Variants in RRP7A observed in about 807,000 individuals in gnomAD.
RRP7A encodes ribosomal RNA-processing protein 7 homolog A.
In RRP7A, 27 loss-of-function variants were observed where a neutral mutation model predicts 38.4. The observed-to-expected ratio is 0.70, with a 90% CI of 0.52 to 0.97. The LOEUF (loss-of-function observed/expected upper bound fraction) is 0.97. RRP7A is among the 50% of genes least tolerant of loss of function. The pLI is 0.00. For missense variants in RRP7A, 327 were observed against 375.4 expected (o/e 0.87, Z 1.07); for synonymous variants, 124 against 150.3 (o/e 0.83, Z 1.28).
At chr22:42,516,254 C>T (rs866191967) in intron 2 of RRP7A, 118 bp from the exon 3 acceptor site, 1 of 1,402,410 alleles carries the variant, frequency 7.1e-7, no homozygotes, top group East Asian at 2.4e-5. Flanking sequence ...GCCACAGCCA[C>T]ATCTGCCCAA....
intron 3 of RRP7A, 120 bp downstream of exon 3, chr22:42,515,891 C>G (rs574816387): frequency 7.8e-7 from 1 of 1,281,374 alleles, no homozygotes; most frequent in Non-Finnish European, 1.1e-6. Flanking sequence ...ACACCACACA[C>G]GGTGAGGATG....
At chr22:42,513,900 C>T (rs1292859520) in intron 6 of RRP7A, among the ~76,000 whole-genome samples, 5 of 152,112 alleles carry the variant, frequency 3.3e-5, no homozygotes, top group African/African-American at 1.2e-4. Context: ...ATGCATCTGC[C>T]CCTAGGGGGT....
chr22:42,510,924 C>T lies in RRP7A; in HGVS notation c.*1986G>A, dbSNP rs9623612. The T allele has an allele frequency of 2.6e-4, 124 of 468,864 alleles. 1 individual carries two copies. The highest frequency in any genetic ancestry group is 2.4e-3 in the African/African-American group (119 of 48,584). 29.0% of individuals were successfully genotyped at this position (468,864 alleles called of 1,614,324 possible). On this transcript the variant is annotated 3_prime_UTR_variant, in exon 7 of 7. Transcript: ENST00000323013. ...ACACATGTAATCAGAATTTAAGAAA[C>T]AGAGACCTTTGGTGGGGAGGTTCTT...
chr22:42,516,862 G>A (rs1483731437), intron 2 of RRP7A, among the ~76,000 whole-genome samples: 1 of 152,136 alleles, frequency 6.6e-6, no homozygotes, highest in Non-Finnish European at 1.5e-5. Context: ...GGCCCTTCCA[G>A]GCACACATGC....
rs1932420665 is a variant in RRP7A at position 42,510,439 on chromosome 22, G to C, written c.*2471C>G. On this transcript the variant is annotated 3_prime_UTR_variant, in exon 7 of 7. Coordinates refer to ENST00000323013, the MANE Select transcript of RRP7A (RefSeq NM_015703.5). ...TTCAGCACTTGCTTGCGCCTGGCTT[G>C]TGCCAGCTGAGCGTGAGCTGAGATT... is the stretch of plus-strand genomic sequence containing the variant. 1.0e-5 allele frequency: 3 copies of C among 286,482 alleles called. No individual in the cohort carries two copies. Among genetic ancestry groups the C allele is most frequent in the South Asian group, 7.6e-5 (1 of 13,156 alleles). 17.7% of individuals were successfully genotyped at this position (286,482 alleles called of 1,614,324 possible).
chr22:42,518,081 A>T lies in RRP7A; in HGVS notation c.140T>A (p.Val47Asp), dbSNP rs1231523270. 6.2e-7 allele frequency: 1 copy of T among 1,613,998 alleles called. No homozygotes were observed. Among genetic ancestry groups the T allele is most frequent in the Admixed American group, 1.7e-5 (1 of 59,996 alleles). The stretch of plus-strand genomic sequence containing the variant: ...CCAGGTGGACTTGGTGCCTTGTCGA[A>T]CGCCGTGTGCTCTCACATAGAGGTA... The part of the protein sequence containing the change: ...SHYLYVRAHG[V>D]RQGTKSTWPQ... The change falls in exon 2 of 7, where the codon GTT (valine) becomes GAT (aspartate). Residue 47 changes from valine (V) to aspartate (D), a missense_variant. Coordinates refer to ENST00000323013, the MANE Select transcript of RRP7A (RefSeq NM_015703.5).
intron 5 of RRP7A, 96 bp from the exon 6 acceptor site, chr22:42,514,400 G>GCC (rs1422762909): frequency 2.3e-6 from 2 of 864,798 alleles, no homozygotes; most frequent in African/African-American, 1.7e-5. Context: ...ACTGCCCTGA[G>GCC]CCCCCGCAGG....
chr22:42,513,871 G>A (rs1295276905), intron 6 of RRP7A, among the ~76,000 whole-genome samples: 2 of 152,140 alleles, frequency 1.3e-5, no homozygotes, highest in Admixed American at 6.5e-5. Flanking sequence ...ATGACCTAGG[G>A]TCCCCACCCA....
At position 42,510,788 on chromosome 22, in the gene RRP7A, A is replaced by C. The variant is rs1451442683; in HGVS notation, c.*2122T>G. The C allele has an allele frequency of 7.3e-7, 1 of 1,368,248 alleles. No individual in the cohort carries two copies. Among genetic ancestry groups the C allele is most frequent in the South Asian group, 1.6e-5 (1 of 62,252 alleles). The allele number at this position is 1,368,248 out of a possible 1,614,324, so 84.8% of individuals were successfully genotyped here. A position where few individuals can be genotyped will look rare whatever the true frequency, so the allele number is the denominator to read the frequency against. Reference sequence around the variant, plus strand: ...CGCCCACTCTGGTCCCACCTCACCCATCTCTTCTCATGCACTGGGAAAGAC... The same window carrying C: ...CGCCCACTCTGGTCCCACCTCACCCCTCTCTTCTCATGCACTGGGAAAGAC... On this transcript the variant is annotated 3_prime_UTR_variant, in exon 7 of 7. Transcript: ENST00000323013.
intron 2 of RRP7A, chr22:42,516,387 G>T: frequency 1.9e-6 from 1 of 533,118 alleles, no homozygotes; most frequent in Non-Finnish European, 3.5e-6. Context: ...CTGGAGTCCT[G>T]CAACCTCCAC....
rs1308668348 is a variant in RRP7A at position 42,509,794 on chromosome 22, A to G, written c.*3116T>C. ...AGTCCAAATAGGACACACGGCAGAG[A>G]CAAAGCCAGGTCATGGTTGCTCAGG... is the stretch of plus-strand genomic sequence containing the variant. On this transcript the variant is annotated 3_prime_UTR_variant, in exon 7 of 7. Transcript: ENST00000323013. Among the ~76,000 whole-genome samples, 1 of 111,410 alleles carries G rather than the reference A, an allele frequency of 9.0e-6. No individual in the cohort carries two copies. Among genetic ancestry groups the G allele is most frequent in the Admixed American group, 1.1e-4 (1 of 9,098 alleles). The allele number at this position is 111,410 out of a possible 152,430, so 73.1% of individuals were successfully genotyped here.
chr22:42,512,920 C>T lies in RRP7A; in HGVS notation c.833G>A (p.Arg278Gln), dbSNP rs140096249. The T allele has an allele frequency of 1.6e-4, 258 of 1,613,308 alleles. 1 individual carries two copies. The highest frequency in any genetic ancestry group is 2.1e-4 in the Non-Finnish European group (248 of 1,179,634). Reference protein sequence around the residue: ...IELLRAQRKFRPY With the variant: ...IELLRAQRKFQPY ...TGCGGCTCTCACAGCTCAGTACGGT[C>T]GGAATTTGCGCTGGGCCCGCAGCAG... The change falls in exon 7 of 7, where the codon CGA becomes CAA. Residue 278 changes from arginine to glutamine, a missense_variant. Arg to Gln is a conservative substitution (Grantham distance 43). Coordinates refer to ENST00000323013, the MANE Select transcript of RRP7A (RefSeq NM_015703.5).
chr22:42,517,177 C>T (rs1341165616), intron 2 of RRP7A, among the ~76,000 whole-genome samples: 1 of 151,904 alleles, frequency 6.6e-6, no homozygotes, highest in Non-Finnish European at 1.5e-5. Context: ...GCTTGGGAGG[C>T]TGCGGCAGGA....
chr22:42,516,416 T>G (rs1920929945), intron 2 of RRP7A: 1 of 478,878 alleles, frequency 2.1e-6, no homozygotes, highest in East Asian at 5.5e-5. Flanking sequence ...TGCAAGTGAT[T>G]CTCATGCCTC....
chr22:42,519,586 G>A (rs1283567703), intron 1 of RRP7A, 128 bp downstream of exon 1: 5 of 783,396 alleles, frequency 6.4e-6, no homozygotes, highest in Middle Eastern at 3.2e-4. Context: ...CGGAGCCTGG[G>A]GCCACGGGCC....
Position 42,509,743 on chromosome 22 carries a change from G to A in RRP7A, c.*3167C>T, listed in dbSNP as rs1257020783. 4.0e-5 allele frequency among the ~76,000 whole-genome samples: 6 copies of A among 148,720 alleles called. No homozygotes were observed. Among genetic ancestry groups the A allele is most frequent in the Non-Finnish European group, 6.0e-5 (4 of 67,154 alleles). ...GATGAAGTCAGACACAACCGTCTACGTGTTGTATGGCTGCATTCACGTTCA... is the reference window on the plus strand; with the variant it reads ...GATGAAGTCAGACACAACCGTCTACATGTTGTATGGCTGCATTCACGTTCA... On this transcript the variant is annotated 3_prime_UTR_variant, in exon 7 of 7. Coordinates refer to ENST00000323013, the MANE Select transcript of RRP7A (RefSeq NM_015703.5).
At chr22:42,516,565 G>A (rs1228865382) in intron 2 of RRP7A, 8 of 351,158 alleles carry the variant, frequency 2.3e-5, no homozygotes, top group East Asian at 7.8e-5. Context: ...CGCCCGCCTC[G>A]GCCTCCCAAA....
chr22:42,513,748 CCTT>C (rs1393346645), intron 6 of RRP7A, among the ~76,000 whole-genome samples: 1 of 151,706 alleles, frequency 6.6e-6, no homozygotes, highest in Non-Finnish European at 1.5e-5. Context: ...CTCTGCAGCA[CCTT>C]CTCTGCACCC....
At chr22:42,519,388 G>C (rs1920941053) in intron 1 of RRP7A, among the ~76,000 whole-genome samples, 1 of 152,172 alleles carries the variant, frequency 6.6e-6, no homozygotes, top group South Asian at 2.1e-4. Flanking sequence ...AGGAGCAGAG[G>C]CGATGAGAAG....
Sources: gnomAD v4.1 joint callset for allele counts (sites outside exome capture counted in the v4.1 genomes callset) on GRCh38, gnomAD v4.1.1 for gene constraint, MANE v1.5 for transcripts, NCBI Gene and HGNC (gene_info 2026-07-23, HGNC 2026-07-21) for gene names.